The following EVPL variants were observed in gnomAD, a reference collection of about 807,000 sequenced individuals.
EVPL encodes 210 kDa cornified envelope precursor protein.
EVPL carries 94 observed loss-of-function variants against 129.7 expected under a neutral mutation model. The observed-to-expected ratio is 0.72, with a 90% CI of 0.61 to 0.86. The LOEUF is 0.86. Ranked by LOEUF, EVPL falls within the 40% of genes least tolerant of loss-of-function variation. The pLI is 0.00. For missense variants in EVPL, 2,625 were observed against 2,721.1 expected (o/e 0.96, Z 0.79); for synonymous variants, 1,172 against 1,191.1 (o/e 0.98, Z 0.33).
In EVPL at chr17:76,017,755, C is replaced by T. The variant is rs373378096; in HGVS notation, c.1694G>A (p.Arg565His). ...RPTPLEDLEGRIHSHEGTAQR... is the reference protein window; with the variant it reads ...RPTPLEDLEGHIHSHEGTAQR... ...CTCACCCACCTCATGGCTGTGGATGCGGCCCTCCAAGTCCTCCAAGGGTGT... is the reference window on the plus strand; with the variant it reads ...CTCACCCACCTCATGGCTGTGGATGTGGCCCTCCAAGTCCTCCAAGGGTGT... The change falls in exon 14 of 22, where the codon CGC (arginine) becomes CAC (histidine). Residue 565 changes from arginine (R) to histidine (H), a missense_variant. Physicochemically the swap from Arg to His is conservative, Grantham distance 29. Transcript: ENST00000301607. 1.1e-5 allele frequency: 18 copies of T among 1,612,196 alleles called. No homozygotes were observed. Among genetic ancestry groups the T allele is most frequent in the African/African-American group, 5.3e-5 (4 of 75,060 alleles).
At chr17:76,020,055 CTT>C (rs1256985615) in intron 9 of EVPL, among the ~76,000 whole-genome samples, 1 of 152,046 alleles carries the variant, frequency 6.6e-6, no homozygotes, top group Non-Finnish European at 1.5e-5. Context: ...ACCAGATAAA[CTT>C]AAACCAGATA....
In EVPL at chr17:76,008,830, TCTC is replaced by T; in HGVS notation, c.4372_4374del (p.Glu1458del). The stretch of plus-strand genomic sequence containing the variant: ...TTGACCACTTCCTCCATGATGATCT[TCTC>T]CTGCACCGTGGGAGGCCGCTTCTCG... On this transcript the variant is annotated inframe_deletion, in exon 22 of 22. Transcript: ENST00000301607. This position sits in a 1 kb window ranked among gnomAD's most constrained non-coding sequence, Gnocchi z 7.4. 1 of 1,613,980 alleles carries T rather than the reference TCTC, an allele frequency of 6.2e-7. No individual in the cohort carries two copies. The highest frequency in any genetic ancestry group is 8.5e-7 in the Non-Finnish European group (1 of 1,179,976).
In EVPL at chr17:76,013,527, GT is replaced by G. The variant is rs2066394566; in HGVS notation, c.2373+898del. 6.6e-6 allele frequency among the ~76,000 whole-genome samples: 1 copy of G among 152,136 alleles called. No homozygotes were observed. The highest frequency in any genetic ancestry group is 6.6e-5 in the Admixed American group (1 of 15,264). On this transcript the variant is annotated intron_variant, in intron 18 of 21. Transcript: ENST00000301607. The surrounding 1 kb of genome is among the most constrained non-coding windows in gnomAD (Gnocchi z 4.3). ...TCTGTTTCCTGTGTTCCCGCCTCAA[GT>G]GGAGGTGCCCCCTCTTCCCAGTTGT...
chr17:76,024,124 G>C lies in EVPL; in HGVS notation c.99-4C>G. ...GGCCAGCTCCTGGGTGGCAGCCCTA[G>C]TGTGTGGAGGGGACAGCGGGTAGCT... is the stretch of plus-strand genomic sequence containing the variant. On this transcript the variant is annotated splice_region_variant and splice_polypyrimidine_tract_variant and intron_variant, in intron 1 of 21. Transcript: ENST00000301607. The surrounding 1 kb of genome is among the most constrained non-coding windows in gnomAD (Gnocchi z 4.5). 1 of 1,613,116 alleles carries C rather than the reference G, an allele frequency of 6.2e-7. No homozygotes were observed. The highest frequency in any genetic ancestry group is 8.5e-7 in the Non-Finnish European group (1 of 1,179,672).
rs780949433 is a variant in EVPL, at chr17:76,009,497, G to A, written c.3708C>T (p.Pro1236=). Residue 1236 remains proline, a synonymous_variant, in exon 22 of 22, where the codon CCC becomes CCT. Coordinates refer to ENST00000301607, the MANE Select transcript of EVPL (RefSeq NM_001988.4). The surrounding 1 kb of genome is among the most constrained non-coding windows in gnomAD (Gnocchi z 5.9). The part of the protein sequence containing the change: ...GVEKEVEKLL[P]DLEVLRAQKP... Reference sequence around the variant, plus strand: ...TCTGGGCCCGCAGGACCTCCAGGTCGGGCAGCAGCTTCTCCACCTCCTTCT... The same window carrying A: ...TCTGGGCCCGCAGGACCTCCAGGTCAGGCAGCAGCTTCTCCACCTCCTTCT... 7 of 1,614,048 alleles carry A rather than the reference G, an allele frequency of 4.3e-6. No individual in the cohort carries two copies. Among genetic ancestry groups the A allele is most frequent in the Non-Finnish European group, 5.9e-6 (7 of 1,180,020 alleles).
chr17:76,010,130 G>T lies in EVPL; in HGVS notation c.3075C>A (p.Asp1025Glu). The T allele has an allele frequency of 1.2e-6, 2 of 1,614,064 alleles. No homozygotes were observed. The highest frequency in any genetic ancestry group is 1.7e-5 in the Admixed American group (1 of 60,018). ...GGGCCGCCTGGCTGTCCAGGCCGGG[G>T]TCCCTCTCCACCTGGGTGACCTCCT... ...LTKEVTQVERDPGLDSQAAQL... is the reference protein window; with the variant it reads ...LTKEVTQVEREPGLDSQAAQL... The change falls in exon 22 of 22, where the codon GAC (aspartate) becomes GAA (glutamate). Residue 1025 changes from aspartate (D) to glutamate (E), a missense_variant. Around this residue, in one of 4 missense-constraint regions of EVPL, gnomAD observed 1,453 missense variants for 1,511.8 expected, o/e 0.96. Coordinates refer to ENST00000301607, the MANE Select transcript of EVPL (RefSeq NM_001988.4).
rs139895076 is a variant in EVPL at position 76,022,514 on chromosome 17, C to A, written c.505G>T (p.Gly169Trp). 2 of 1,609,858 alleles carry A rather than the reference C, an allele frequency of 1.2e-6. No homozygotes were observed. The highest frequency in any genetic ancestry group is 3.4e-5 in the Admixed American group (2 of 59,220). ...TGCTCCAGCTCCGCCATGCCCGGCC[C>A]GTACTGGCCTGCGCAGACCTGCTTC... Reference protein sequence around the residue: ...KQKQVCAGQYGPGMAELEQQI... With the variant: ...KQKQVCAGQYWPGMAELEQQI... The change falls in exon 5 of 22, where the codon GGG becomes TGG. Residue 169 changes from glycine (G) to tryptophan (W), a missense_variant. Around this residue, in one of 4 missense-constraint regions of EVPL, gnomAD observed 1,024 missense variants for 997.5 expected, o/e 1.03. Coordinates refer to ENST00000301607, the MANE Select transcript of EVPL (RefSeq NM_001988.4). The surrounding 1 kb of genome is among the most constrained non-coding windows in gnomAD (Gnocchi z 5.6).
Position 76,013,024 on chromosome 17 carries a change from G to A in EVPL, c.2374-935C>T, listed in dbSNP as rs191760369. On this transcript the variant is annotated intron_variant, in intron 18 of 21. Transcript: ENST00000301607. This position sits in a 1 kb window ranked among gnomAD's most constrained non-coding sequence, Gnocchi z 4.3. ...CTCCCAAAGTGCTGGGATTACAGGC[G>A]TGAGCCACCGCGCCCGGCCTGAGAA... is the stretch of plus-strand genomic sequence containing the variant. Among the ~76,000 whole-genome samples the A allele has an allele frequency of 9.6e-4, 146 of 152,250 alleles. No homozygotes were observed. Among genetic ancestry groups the A allele is most frequent in the African/African-American group, 1.5e-3 (63 of 41,560 alleles).
At position 76,007,177 on chromosome 17, in the gene EVPL, GC is replaced by G; in HGVS notation, c.6027del (p.Leu2010SerfsTer69). On this transcript the variant is annotated frameshift_variant, in exon 22 of 22. Transcript: ENST00000301607. LOFTEE classifies it low-confidence loss of function (END_TRUNC). The surrounding 1 kb of genome is among the most constrained non-coding windows in gnomAD (Gnocchi z 8.8). ...TACCCCTCCAGTGCCGCTGGCAGGAGCAGCAGGCCGCTCAGGGGGTCTTTGC... is the reference window on the plus strand; with the variant it reads ...TACCCCTCCAGTGCCGCTGGCAGGAGAGCAGGCCGCTCAGGGGGTCTTTGC... Reference protein sequence around the residue: ...RCRKDPLSGLLLLPAALEGYR... With the variant: ...RCRKDPLSGLXLLPAALEGYR... The G allele has an allele frequency of 6.6e-7, 1 of 1,518,122 alleles. No homozygotes were observed. The highest frequency in any genetic ancestry group is 1.3e-5 in the South Asian group (1 of 77,064). The allele number at this position is 1,518,122 out of a possible 1,614,324, so 94.0% of individuals were successfully genotyped here.
rs763296627 is a variant in EVPL at position 76,019,496 on chromosome 17, G to A, written c.1137+32C>T. The A allele has an allele frequency of 1.4e-5, 21 of 1,531,740 alleles. No individual in the cohort carries two copies. The South Asian group carries it at 2.7e-4, about 20-fold the overall frequency. The allele number at this position is 1,531,740 out of a possible 1,614,324, so 94.9% of individuals were successfully genotyped here. The stretch of plus-strand genomic sequence containing the variant: ...ATGGACAGGACCAATTCCCAGAAGT[G>A]GGGTGCAGACGGCCTGGTGGGGTTG... On this transcript the variant is annotated intron_variant, in intron 10 of 21. Transcript: ENST00000301607.
rs2066483267 is a variant in EVPL at position 76,024,134 on chromosome 17, G to C, written c.99-14C>G. On this transcript the variant is annotated splice_polypyrimidine_tract_variant and intron_variant, in intron 1 of 21. Coordinates refer to ENST00000301607, the MANE Select transcript of EVPL (RefSeq NM_001988.4). This position sits in a 1 kb window ranked among gnomAD's most constrained non-coding sequence, Gnocchi z 4.5. ...TGGGTGGCAGCCCTAGTGTGTGGAG[G>C]GGACAGCGGGTAGCTCGGTGGAAGA... is the stretch of plus-strand genomic sequence containing the variant. The C allele has an allele frequency of 6.2e-7, 1 of 1,611,654 alleles. No individual in the cohort carries two copies. Among genetic ancestry groups the C allele is most frequent in the African/African-American group, 1.3e-5 (1 of 74,878 alleles).
intron 9 of EVPL, among the ~76,000 whole-genome samples, chr17:76,019,921 TTAAACCAGCTAAATC>T (rs1260865825): frequency 1.3e-5 from 2 of 148,296 alleles, no homozygotes; most frequent in Admixed American, 6.6e-5. Context: ...CCAGCTAAAC[TTAAACCAGCTAAATC>T]TAAACCAGCT....
rs752705359 is a variant in EVPL, at chr17:76,022,527, G to C, written c.492C>G (p.Cys164Trp). 1 of 1,606,816 alleles carries C rather than the reference G, an allele frequency of 6.2e-7. No individual in the cohort carries two copies. Among genetic ancestry groups the C allele is most frequent in the South Asian group, 1.1e-5 (1 of 89,806 alleles). The change falls in exon 5 of 22, where the codon TGC becomes TGG. Residue 164 changes from cysteine to tryptophan, a missense_variant. By Grantham distance (215) the Cys-to-Trp change is radical. Around this residue, in one of 4 missense-constraint regions of EVPL, gnomAD observed 1,024 missense variants for 997.5 expected, o/e 1.03. Coordinates refer to ENST00000301607, the MANE Select transcript of EVPL (RefSeq NM_001988.4). The surrounding 1 kb of genome is among the most constrained non-coding windows in gnomAD (Gnocchi z 5.6). ...CCATGCCCGGCCCGTACTGGCCTGC[G>C]CAGACCTGCTTCTGCAGGAGAGCCG... ...RVLEQKQKQV[C>W]AGQYGPGMAE...
rs1396201732 is a variant in EVPL at position 76,019,632 on chromosome 17, C to CT, written c.1032dup (p.Val345SerfsTer91). ...TTGAGCTTCGCCAGGGTCTGGCTGA[C>CT]TGAGTCGGCCTCTTCCTGGAACTGA... is the stretch of plus-strand genomic sequence containing the variant. On this transcript the variant is annotated frameshift_variant, in exon 10 of 22. Transcript: ENST00000301607. LOFTEE classifies it high-confidence loss of function. 1 of 1,610,708 alleles carries CT rather than the reference C, an allele frequency of 6.2e-7. No homozygotes were observed. The highest frequency in any genetic ancestry group is 8.5e-7 in the Non-Finnish European group (1 of 1,178,598).
rs139045294 is a variant in EVPL at position 76,024,346 on chromosome 17, G to A, written c.99-226C>T. ...GTCAAAAGGTGAGGGTCTCAGGTTT[G>A]TGTGGTGCTGGGGAGGGGGCAGGCG... On this transcript the variant is annotated intron_variant, in intron 1 of 21. Transcript: ENST00000301607. The surrounding 1 kb of genome is among the most constrained non-coding windows in gnomAD (Gnocchi z 4.5). Among the ~76,000 whole-genome samples the A allele has an allele frequency of 7.6e-3, 1,152 of 152,174 alleles. 11 individuals carry two copies. The highest frequency in any genetic ancestry group is 0.025 in the African/African-American group (1,035 of 41,532).
chr17:76,020,310 C>T (rs901466417), intron 9 of EVPL, among the ~76,000 whole-genome samples: 6 of 152,158 alleles, frequency 3.9e-5, no homozygotes, highest in Non-Finnish European at 7.3e-5. Flanking sequence ...CTTATTTGTG[C>T]ACTGAACTTA....
At chr17:76,020,546 T>C (rs1037770073) in intron 9 of EVPL, among the ~76,000 whole-genome samples, 17 of 151,938 alleles carry the variant, frequency 1.1e-4, no homozygotes, top group Non-Finnish European at 2.2e-4. Flanking sequence ...TGTGGTTCTA[T>C]AGGAAAATGT....
chr17:76,014,464 C>A lies in EVPL; in HGVS notation c.2335G>T (p.Gly779Cys). 1.9e-6 allele frequency: 3 copies of A among 1,611,774 alleles called. No homozygotes were observed. Among genetic ancestry groups the A allele is most frequent in the Non-Finnish European group, 2.5e-6 (3 of 1,179,398 alleles). The change falls in exon 18 of 22, where the codon GGC becomes TGC. Residue 779 changes from glycine (G) to cysteine (C), a missense_variant. Around this residue, in one of 4 missense-constraint regions of EVPL, gnomAD observed 1,024 missense variants for 997.5 expected, o/e 1.03. Coordinates refer to ENST00000301607, the MANE Select transcript of EVPL (RefSeq NM_001988.4). ...LPRSQVRPSD[G>C]PSQIAYKLQA... ...AGCTTGTAGGCGATCTGGCTGGGGC[C>A]GTCGCTGGGCCGCACCTGGCTGCGG...
rs1386580823 is a variant in EVPL, at chr17:76,021,885, G to A, written c.789C>T (p.Gly263=). 4.7e-5 allele frequency: 74 copies of A among 1,559,370 alleles called. No homozygotes were observed. Among genetic ancestry groups the A allele is most frequent in the Non-Finnish European group, 5.9e-5 (68 of 1,159,824 alleles). ...AGCCGACCTCGTACTCCCGCCGCAC[G>A]CCCGCAGGGTCGGCCATGAGGTCGC... ...DWSDLMADPA[G]VRREYEHFKQ... Residue 263 remains glycine (G), a synonymous_variant, in exon 7 of 22, where the codon GGC becomes GGT. Transcript: ENST00000301607.
Sources: allele counts gnomAD v4.1 joint callset (sites outside exome capture counted in the v4.1 genomes callset), GRCh38; gene constraint gnomAD v4.1.1; regional missense constraint gnomAD v4.1.1; non-coding constraint Gnocchi (gnomAD v3.1); transcripts MANE v1.5; gene names NCBI Gene and HGNC (gene_info 2026-07-23, HGNC 2026-07-21).